The following EXT1 variants were observed in gnomAD, a reference collection of about 807,000 sequenced individuals.
EXT1 encodes exostosin glycosyltransferase 1, also known as exostosin-1.
A neutral mutation model predicts 82.5 loss-of-function variants in EXT1; 20 were observed. The ratio of observed to expected loss-of-function variants is 0.24; its 90% confidence interval spans 0.17 to 0.35. The LOEUF (loss-of-function observed/expected upper bound fraction) is 0.35. Among genes scored for constraint, EXT1 ranks in the 10% least tolerant of loss-of-function variants. The pLI is 1.00. For missense variants in EXT1, 757 were observed against 936.5 expected (o/e 0.81, Z 2.50); for synonymous variants, 348 against 350.8 (o/e 0.99, Z 0.09).
intron 1 of EXT1, among the ~76,000 whole-genome samples, chr8:118,007,915 GA>G (rs755758219): frequency 1.9e-4 from 29 of 152,334 alleles, no homozygotes; most frequent in Non-Finnish European, 3.8e-4. Flanking sequence ...CTATGGTGGA[GA>G]GGGGCAGTGC....
At chr8:117,923,725 CAAAA>C (rs1194258802) in intron 1 of EXT1, among the ~76,000 whole-genome samples, 1 of 108,990 alleles carries the variant, frequency 9.2e-6, no homozygotes, top group Non-Finnish European at 2.0e-5. Context: ...GACTCTGTCT[CAAAA>C]AAAAAAAAAA....
At chr8:118,007,865 T>C (rs753882219) in intron 1 of EXT1, among the ~76,000 whole-genome samples, 25 of 152,172 alleles carry the variant, frequency 1.6e-4, no homozygotes, top group Non-Finnish European at 3.4e-4. Context: ...TGCCCTATAA[T>C]TTCTAGAACA....
intron 2 of EXT1, 80 bp downstream of exon 2, chr8:117,837,028 A>G: frequency 1.1e-6 from 1 of 932,904 alleles, no homozygotes; most frequent in Admixed American, 1.7e-5. Context: ...TAGCTATCCC[A>G]GGAGAGGTGA....
chr8:117,947,738 T>C (rs1465773317), intron 1 of EXT1, among the ~76,000 whole-genome samples: 1 of 152,160 alleles, frequency 6.6e-6, no homozygotes, highest in East Asian at 1.9e-4. Flanking sequence ...CCTTAATTCT[T>C]AAAGAGCTCA....
At chr8:117,904,808 T>C (rs1226758744) in intron 1 of EXT1, among the ~76,000 whole-genome samples, 1 of 147,162 alleles carries the variant, frequency 6.8e-6, no homozygotes, top group African/African-American at 2.5e-5. Context: ...GAGAGGGAAG[T>C]AGGAGAGAGA....
At chr8:117,886,152 A>C (rs567815950) in intron 1 of EXT1, among the ~76,000 whole-genome samples, 2 of 152,366 alleles carry the variant, frequency 1.3e-5, no homozygotes, top group South Asian at 2.1e-4. Context: ...AATAGCAAAA[A>C]ATAGCAAAAA....
chr8:117,841,831 A>C (rs190653721), intron 1 of EXT1, among the ~76,000 whole-genome samples: 3 of 152,342 alleles, frequency 2.0e-5, no homozygotes, highest in African/African-American at 7.2e-5. Flanking sequence ...TGGACTATGC[A>C]ATAATGCACA....
At chr8:118,002,282 G>A (rs1815681280) in intron 1 of EXT1, among the ~76,000 whole-genome samples, 1 of 150,434 alleles carries the variant, frequency 6.6e-6, no homozygotes, top group African/African-American at 2.4e-5. Context: ...GTGGGAGGCT[G>A]AGACAGGAGA....
intron 1 of EXT1, among the ~76,000 whole-genome samples, chr8:118,028,909 C>T (rs1046971454): frequency 1.3e-5 from 2 of 151,350 alleles, no homozygotes; most frequent in African/African-American, 2.4e-5. Flanking sequence ...GCAACAAGAG[C>T]GAAATTCCAT....
intron 1 of EXT1, among the ~76,000 whole-genome samples, chr8:117,910,917 A>G (rs1813634854): frequency 6.6e-6 from 1 of 152,256 alleles, no homozygotes; most frequent in Non-Finnish European, 1.5e-5. Context: ...AACCACAGAC[A>G]GGCCAATGAG....
At chr8:118,069,022 C>G (rs561319505) in intron 1 of EXT1, among the ~76,000 whole-genome samples, 21 of 152,284 alleles carry the variant, frequency 1.4e-4, no homozygotes, top group Admixed American at 3.3e-4. Context: ...ACCTACACCC[C>G]CTTCTAGCAT....
intron 1 of EXT1, among the ~76,000 whole-genome samples, chr8:117,933,456 G>C (rs2129654354): frequency 6.6e-6 from 1 of 152,198 alleles, no homozygotes; most frequent in Admixed American, 6.5e-5. Context: ...ATGTTAGGCA[G>C]GCTGTTCTCC....
At chr8:118,008,980 G>A (rs1441128292) in intron 1 of EXT1, among the ~76,000 whole-genome samples, 1 of 152,104 alleles carries the variant, frequency 6.6e-6, no homozygotes, top group African/African-American at 2.4e-5. Flanking sequence ...TATATCTGTA[G>A]AATGCATTCC....
In EXT1 at chr8:118,055,313, A is replaced by G. The variant is rs139097712; in HGVS notation, c.962+54772T>C. Among the ~76,000 whole-genome samples, 12 of 152,338 alleles carry G rather than the reference A, an allele frequency of 7.9e-5. No individual in the cohort carries two copies. In the East Asian group the frequency reaches 1.7e-3, roughly 22 times the overall value. On this transcript the variant is annotated intron_variant, in intron 1 of 10. Transcript: ENST00000378204. ...ATCATCCATGTCAGCATGTATCAAT[A>G]GTTTGTTCTCTTTTATTGCTGAATA...
At chr8:118,087,553 T>G (rs1034504027) in intron 1 of EXT1, among the ~76,000 whole-genome samples, 1 of 152,202 alleles carries the variant, frequency 6.6e-6, no homozygotes, top group African/African-American at 2.4e-5. Flanking sequence ...GTTGTTTCTT[T>G]AATTATGCTG....
intron 1 of EXT1, among the ~76,000 whole-genome samples, chr8:118,014,632 G>A (rs543865346): frequency 7.2e-5 from 11 of 152,158 alleles, no homozygotes; most frequent in African/African-American, 2.4e-4. Flanking sequence ...TAGAGATGGA[G>A]TCTTGCTATG....
chr8:117,874,832 C>A (rs1812939182), intron 1 of EXT1, among the ~76,000 whole-genome samples: 1 of 152,176 alleles, frequency 6.6e-6, no homozygotes, highest in Non-Finnish European at 1.5e-5. Context: ...CAGGTGACTG[C>A]ATCTTAAACA....
intron 1 of EXT1, among the ~76,000 whole-genome samples, chr8:117,858,382 A>C (rs1302355566): frequency 6.6e-6 from 1 of 152,174 alleles, no homozygotes; most frequent in Non-Finnish European, 1.5e-5. Flanking sequence ...TTATTTTAAG[A>C]AACTGTCAGC....
chr8:118,023,495 A>T (rs1389131251), intron 1 of EXT1, among the ~76,000 whole-genome samples: 1 of 152,232 alleles, frequency 6.6e-6, no homozygotes, highest in East Asian at 1.9e-4. Flanking sequence ...TTTTAAGTGC[A>T]AGAAGTGGAC....
Sources: gnomAD v4.1 joint callset for allele counts (sites outside exome capture counted in the v4.1 genomes callset) on GRCh38, gnomAD v4.1.1 for gene constraint, MANE v1.5 for transcripts, NCBI Gene and HGNC (gene_info 2026-07-23, HGNC 2026-07-21) for gene names.